The following DOCK10 variants were observed in gnomAD, a reference collection of about 807,000 sequenced individuals.
DOCK10 encodes dedicator of cytokinesis 10, also known as dedicator of cytokinesis protein 10.
A neutral mutation model predicts 280.1 loss-of-function variants in DOCK10; 145 were observed. The ratio of observed to expected loss-of-function variants is 0.52; its 90% CI spans 0.45 to 0.59. DOCK10 has a LOEUF of 0.59. DOCK10 is among the 20% of genes least tolerant of loss of function. The probability of loss-of-function intolerance (pLI) is 0.00; values close to 1 mark genes in which losing one functional copy is unlikely to be tolerated. For missense variants in DOCK10, 2,368 were observed against 2,651.7 expected, an observed-to-expected ratio of 0.89 and a Z score of 2.35; for synonymous variants, 915 against 942.2, an observed-to-expected ratio of 0.97 and a Z score of 0.53.
intron 50 of DOCK10, among the ~76,000 whole-genome samples, chr2:224,779,859 A>G (rs939683714): frequency 2.0e-5 from 3 of 152,152 alleles, no homozygotes; most frequent in Admixed American, 2.0e-4. Flanking sequence ...ATTCTTGGCA[A>G]TCAGGTAATC....
intron 50 of DOCK10, among the ~76,000 whole-genome samples, chr2:224,779,547 GA>G (rs1484717023): frequency 6.6e-6 from 1 of 152,098 alleles, no homozygotes; most frequent in Admixed American, 6.5e-5. Context: ...AATGCCTTTT[GA>G]GGTCTGGGTG....
intron 14 of DOCK10, among the ~76,000 whole-genome samples, chr2:224,858,911 C>T (rs555840302): frequency 3.5e-4 from 53 of 152,158 alleles, no homozygotes; most frequent in African/African-American, 1.1e-3. Flanking sequence ...TAGGTGTCCC[C>T]GATAGATTCA....
chr2:224,836,110 A>G (rs1208718352), intron 25 of DOCK10, among the ~76,000 whole-genome samples: 1 of 152,222 alleles, frequency 6.6e-6, no homozygotes, highest in African/African-American at 2.4e-5. Context: ...GGAAAATAAT[A>G]TGTGTTGAAA....
intron 1 of DOCK10, among the ~76,000 whole-genome samples, chr2:225,041,725 A>G (rs1172540302): frequency 2.6e-5 from 4 of 152,056 alleles, no homozygotes; most frequent in African/African-American, 9.7e-5. Context: ...TGTTCCAAGT[A>G]CATCTATTTC....
chr2:224,841,973 G>A lies in DOCK10; in HGVS notation c.2569-77C>T, dbSNP rs1006078456. On this transcript the variant is annotated intron_variant, in intron 22 of 55. Transcript: ENST00000258390. The stretch of plus-strand genomic sequence containing the variant: ...ACAAACACAAACCACTGTGATGTGA[G>A]GTAAGCATTTCTGTAGGATTGATGC... 5.2e-5 allele frequency: 55 copies of A among 1,056,360 alleles called. No homozygotes were observed. In the Middle Eastern group the frequency reaches 8.1e-4, roughly 16 times the overall value. The allele number at this position is 1,056,360 out of a possible 1,614,324, so 65.4% of individuals were successfully genotyped here. A position where few individuals can be genotyped will look rare whatever the true frequency, so the allele number is the denominator to read the frequency against.
intron 1 of DOCK10, among the ~76,000 whole-genome samples, chr2:225,031,484 C>T (rs1300167650): frequency 6.6e-6 from 1 of 152,180 alleles, no homozygotes; most frequent in Non-Finnish European, 1.5e-5. Context: ...AGTCTTGAGA[C>T]CCTCTGAAAT....
chr2:225,001,480 G>T (rs1706429194), intron 1 of DOCK10, among the ~76,000 whole-genome samples: 1 of 151,818 alleles, frequency 6.6e-6, no homozygotes, highest in Non-Finnish European at 1.5e-5. Flanking sequence ...AGTAGAGATG[G>T]GGTTTTACCA....
Position 224,840,000 on chromosome 2 carries a change from C to T in DOCK10, c.2734G>A (p.Val912Ile), listed in dbSNP as rs1374132328. The T allele has an allele frequency of 2.6e-6, 4 of 1,563,532 alleles. No homozygotes were observed. Among genetic ancestry groups the T allele is most frequent in the Admixed American group, 3.7e-5 (2 of 53,408 alleles). The stretch of plus-strand genomic sequence containing the variant: ...TCATCTTCCTCATTCTGTACCAGAA[C>T]TTTGAAGAGCTGATTCAAAATTATA... ...LPIILNQLFK[V>I]LVQNEEDEIT... is the part of the protein sequence containing the mutation. The change falls in exon 24 of 56, where the codon GTT becomes ATT. Residue 912 changes from valine (V) to isoleucine (I), a missense_variant. Coordinates refer to ENST00000258390, the MANE Select transcript of DOCK10 (RefSeq NM_014689.3).
At chr2:225,027,050 C>T (rs898895750) in intron 1 of DOCK10, among the ~76,000 whole-genome samples, 1 of 152,154 alleles carries the variant, frequency 6.6e-6, no homozygotes, top group African/African-American at 2.4e-5. Context: ...ACATAGAGCA[C>T]GTGGTTCTTC....
intron 2 of DOCK10, among the ~76,000 whole-genome samples, chr2:224,921,596 T>G (rs898391509): frequency 2.6e-5 from 4 of 152,170 alleles, no homozygotes; most frequent in African/African-American, 9.7e-5. Context: ...TGTTGACTTT[T>G]TACTAAATAA....
chr2:224,988,728 T>C (rs148223902), intron 1 of DOCK10, among the ~76,000 whole-genome samples: 102 of 152,316 alleles, frequency 6.7e-4, no homozygotes, highest in African/African-American at 2.3e-3. Flanking sequence ...ATTGAGCAGA[T>C]TGTTTTAAGG....
intron 11 of DOCK10, among the ~76,000 whole-genome samples, chr2:224,869,506 A>T (rs1319619613): frequency 6.6e-6 from 1 of 152,198 alleles, no homozygotes; most frequent in Non-Finnish European, 1.5e-5. Flanking sequence ...ACTGATTTTT[A>T]AAAAACAATG....
At chr2:224,892,342 T>A (rs1317443269) in intron 4 of DOCK10, among the ~76,000 whole-genome samples, 2 of 127,052 alleles carry the variant, frequency 1.6e-5, no homozygotes, top group African/African-American at 6.2e-5. Flanking sequence ...GAGGTTGCGG[T>A]GAGCTGAGAT....
intron 1 of DOCK10, among the ~76,000 whole-genome samples, chr2:225,013,112 G>A (rs1018158076): frequency 3.9e-5 from 6 of 152,044 alleles, no homozygotes; most frequent in African/African-American, 1.5e-4. Context: ...TGGAACTTTA[G>A]TCTGCAGATT....
At chr2:224,799,530 A>G (rs901166937) in intron 41 of DOCK10, among the ~76,000 whole-genome samples, 1 of 152,234 alleles carries the variant, frequency 6.6e-6, no homozygotes, top group African/African-American at 2.4e-5. Context: ...GCAAATACCT[A>G]TTACAGTATT....
chr2:224,819,434 C>G lies in DOCK10; in HGVS notation c.3267+12G>C. ...AGTTTAGAAAACAATCACTCCTGTACGTGGTTCTTACCTTAAGGTCACCGG... is the reference window on the plus strand; with the variant it reads ...AGTTTAGAAAACAATCACTCCTGTAGGTGGTTCTTACCTTAAGGTCACCGG... On this transcript the variant is annotated intron_variant, in intron 29 of 55. Coordinates refer to ENST00000258390, the MANE Select transcript of DOCK10 (RefSeq NM_014689.3). 6.4e-7 allele frequency: 1 copy of G among 1,561,470 alleles called. No individual in the cohort carries two copies. The highest frequency in any genetic ancestry group is 1.1e-5 in the South Asian group (1 of 87,294).
At chr2:224,789,265 T>C (rs1691972462) in intron 47 of DOCK10, 95 bp from the exon 48 acceptor site, 9 of 731,856 alleles carry the variant, frequency 1.2e-5, no homozygotes, top group Non-Finnish European at 2.1e-5. Flanking sequence ...CAAGTGGTAG[T>C]ATTACAAAGC....
intron 18 of DOCK10, among the ~76,000 whole-genome samples, chr2:224,851,052 G>C (rs185326078): frequency 7.2e-5 from 11 of 152,274 alleles, no homozygotes; most frequent in Admixed American, 7.2e-4. Flanking sequence ...TGATACGCCA[G>C]CTTCCAGGAT....
intron 31 of DOCK10, among the ~76,000 whole-genome samples, chr2:224,809,482 T>C (rs1200200739): frequency 6.6e-6 from 1 of 152,032 alleles, no homozygotes; most frequent in Non-Finnish European, 1.5e-5. Context: ...TACAAGGAAC[T>C]CATACAACAT....
Sources: gnomAD v4.1 joint callset for allele counts (sites outside exome capture counted in the v4.1 genomes callset) on GRCh38, gnomAD v4.1.1 for gene constraint, MANE v1.5 for transcripts, NCBI Gene and HGNC (gene_info 2026-07-23, HGNC 2026-07-21) for gene names.